The following LHFPL3 variants were observed in gnomAD, a reference collection of about 807,000 sequenced individuals.
LHFPL3 encodes LHFPL tetraspan subfamily member 3, also known as LHFPL tetraspan subfamily member 3 protein.
Under a neutral mutation model 19.3 loss-of-function variants are expected in LHFPL3, and 5 were observed. The ratio of observed to expected loss-of-function variants is 0.26; its 90% CI spans 0.14 to 0.54. LHFPL3 has a LOEUF of 0.54. Ranked by LOEUF, LHFPL3 falls within the 20% of genes least tolerant of loss-of-function variation. The pLI is 0.94. For synonymous variants in LHFPL3, 133 were observed against 126.2 expected, an observed-to-expected ratio of 1.05 and a Z score of -0.36; for missense variants, 249 against 307.4, an observed-to-expected ratio of 0.81 and a Z score of 1.42.
intron 2 of LHFPL3, among the ~76,000 whole-genome samples, chr7:104,833,030 A>ATT (rs1249531438): frequency 3.1e-4 from 2 of 6,468 alleles, no homozygotes; most frequent in Non-Finnish European, 4.9e-4. Flanking sequence ...TAATAGATAT[A>ATT]TTATATATAT....
At chr7:104,905,878 C>T (rs1173763863) in intron 2 of LHFPL3, among the ~76,000 whole-genome samples, 3 of 152,180 alleles carry the variant, frequency 2.0e-5, no homozygotes, top group Non-Finnish European at 4.4e-5. Context: ...CCATGCTAAG[C>T]AGAAAAGTCA....
At chr7:104,721,312 C>G (rs770776129) in intron 1 of LHFPL3, among the ~76,000 whole-genome samples, 1 of 152,168 alleles carries the variant, frequency 6.6e-6, no homozygotes, top group African/African-American at 2.4e-5. Context: ...ACCGCATGCT[C>G]TCCCTCATAG....
At chr7:104,571,688 G>A (rs1031959217) in intron 1 of LHFPL3, among the ~76,000 whole-genome samples, 1 of 152,198 alleles carries the variant, frequency 6.6e-6, no homozygotes, top group African/African-American at 2.4e-5. Flanking sequence ...TGCCTCAGAA[G>A]AAGCATCACA....
intron 2 of LHFPL3, among the ~76,000 whole-genome samples, chr7:104,876,347 T>G (rs10247944): frequency 0.27 from 40,580 of 151,968 alleles, 5,643 homozygotes; most frequent in East Asian, 0.48. Context: ...ACAGGCAACC[T>G]ACAGAATGGG....
At chr7:104,409,692 A>G (rs1204420954) in intron 1 of LHFPL3, among the ~76,000 whole-genome samples, 1 of 152,168 alleles carries the variant, frequency 6.6e-6, no homozygotes, top group East Asian at 1.9e-4. Context: ...ATCACCCATA[A>G]CCTATTTTAT....
chr7:104,475,088 C>T (rs1004311444), intron 1 of LHFPL3, among the ~76,000 whole-genome samples: 1 of 152,184 alleles, frequency 6.6e-6, no homozygotes, highest in Admixed American at 6.5e-5. Flanking sequence ...GCGTTCTTTT[C>T]TGGGAATCCT....
intron 2 of LHFPL3, among the ~76,000 whole-genome samples, chr7:104,848,937 A>C (rs1301130052): frequency 1.3e-5 from 2 of 151,430 alleles, no homozygotes; most frequent in African/African-American, 4.9e-5. Context: ...TTGTAGACAA[A>C]ATCTCACTCT....
At chr7:104,355,404 T>C (rs1486498039) in intron 1 of LHFPL3, among the ~76,000 whole-genome samples, 1 of 152,184 alleles carries the variant, frequency 6.6e-6, no homozygotes, top group Non-Finnish European at 1.5e-5. Flanking sequence ...ATGTAGTCCA[T>C]GGATGGGGTG....
chr7:104,715,194 C>G (rs1793364525), intron 1 of LHFPL3, among the ~76,000 whole-genome samples: 1 of 152,086 alleles, frequency 6.6e-6, no homozygotes. Flanking sequence ...ACCTGAACGA[C>G]AGAGCAAGAC....
intron 2 of LHFPL3, chr7:104,894,635 T>C (rs918901366): frequency 2.0e-5 from 3 of 152,240 alleles, no homozygotes. Flanking sequence ...AGAAAGTGTA[T>C]GAATTTTTTA....
chr7:104,490,102 A>C (rs1793313869), intron 1 of LHFPL3, among the ~76,000 whole-genome samples: 1 of 152,188 alleles, frequency 6.6e-6, no homozygotes, highest in South Asian at 2.1e-4. Flanking sequence ...GCAGTTTTGC[A>C]GTTAATTGAA....
chr7:104,886,140 G>C (rs563828305), intron 2 of LHFPL3, among the ~76,000 whole-genome samples: 1 of 152,248 alleles, frequency 6.6e-6, no homozygotes, highest in East Asian at 1.9e-4. Flanking sequence ...TCACTGTAAG[G>C]TTTATGAAAG....
At chr7:104,417,773 C>G (rs992299242) in intron 1 of LHFPL3, among the ~76,000 whole-genome samples, 1 of 150,820 alleles carries the variant, frequency 6.6e-6, no homozygotes. Flanking sequence ...AAATACTTAA[C>G]GGTGCTTGAC....
Position 104,773,799 on chromosome 7 carries a change from C to A in LHFPL3, c.682+36888C>A, listed in dbSNP as rs563138225. Reference sequence around the variant, plus strand: ...AGGAATGCCAAAGTTTGCCAGCAAACCACCAGAAGGTAGGGGAGAGGCCTG... The same window carrying A: ...AGGAATGCCAAAGTTTGCCAGCAAAACACCAGAAGGTAGGGGAGAGGCCTG... On this transcript the variant is annotated intron_variant, in intron 2 of 2. Transcript: ENST00000424859. 2.9e-3 allele frequency among the ~76,000 whole-genome samples: 444 copies of A among 152,320 alleles called. 2 individuals carry two copies. Among genetic ancestry groups the A allele is most frequent in the Non-Finnish European group, 4.3e-3 (294 of 68,034 alleles).
chr7:104,553,794 G>A lies in LHFPL3; in HGVS notation c.446-182881G>A, dbSNP rs576745315. On this transcript the variant is annotated intron_variant, in intron 1 of 2. Coordinates refer to ENST00000424859, the MANE Select transcript of LHFPL3 (RefSeq NM_199000.3). ...ATCCCAGCTGTTATTGACATTTCAT[G>A]CTGAGAAGTAAACACTGAAACTTAA... 9.2e-5 allele frequency among the ~76,000 whole-genome samples: 14 copies of A among 152,284 alleles called. No individual in the cohort carries two copies. In the East Asian group the frequency reaches 2.7e-3, roughly 29 times the overall value.
chr7:104,848,934 C>CA (rs1169478560), intron 2 of LHFPL3, among the ~76,000 whole-genome samples: 1 of 150,564 alleles, frequency 6.6e-6, no homozygotes, highest in East Asian at 2.0e-4. Flanking sequence ...TTGTTGTAGA[C>CA]AAAATCTCAC....
intron 1 of LHFPL3, among the ~76,000 whole-genome samples, chr7:104,729,257 G>A (rs1392495369): frequency 3.3e-5 from 5 of 152,014 alleles, no homozygotes; most frequent in Middle Eastern, 3.2e-3. Context: ...ATAATCTCAC[G>A]TATTTATGGC....
chr7:104,693,263 T>G (rs1792938169), intron 1 of LHFPL3, among the ~76,000 whole-genome samples: 1 of 152,220 alleles, frequency 6.6e-6, no homozygotes, highest in Non-Finnish European at 1.5e-5. Context: ...GGGACTTGCC[T>G]GGTCCCAGAT....
At chr7:104,691,363 C>T (rs1792902798) in intron 1 of LHFPL3, among the ~76,000 whole-genome samples, 1 of 152,184 alleles carries the variant, frequency 6.6e-6, no homozygotes, top group Non-Finnish European at 1.5e-5. Context: ...TAGGGAGTTC[C>T]CTATGATCAG....
Sources: allele counts gnomAD v4.1 joint callset (sites outside exome capture counted in the v4.1 genomes callset), GRCh38; gene constraint gnomAD v4.1.1; transcripts MANE v1.5; gene names NCBI Gene and HGNC (gene_info 2026-07-23, HGNC 2026-07-21).